The following TANC2 variants were observed in gnomAD, a reference collection of about 807,000 sequenced individuals.
TANC2 encodes the protein protein TANC2.
In TANC2, 26 loss-of-function variants were observed where a neutral mutation model predicts 210.5. The observed-to-expected ratio is 0.12, with a 90% CI of 0.09 to 0.17. The LOEUF (loss-of-function observed/expected upper bound fraction) is 0.17, where lower values mean the gene tolerates loss of function less well. Among genes scored for constraint, TANC2 ranks in the 10% least tolerant of loss-of-function variants. The probability of loss-of-function intolerance (pLI) is 1.00; values close to 1 mark genes in which losing one functional copy is unlikely to be tolerated. For synonymous variants in TANC2, 931 were observed against 967.1 expected, an observed-to-expected ratio of 0.96 and a Z score of 0.69; for missense variants, 2,129 against 2,608.9, an observed-to-expected ratio of 0.82 and a Z score of 4.01.
intron 4 of TANC2, among the ~76,000 whole-genome samples, chr17:63,131,504 G>A (rs905231429): frequency 3.3e-5 from 5 of 149,262 alleles, no homozygotes; most frequent in South Asian, 2.1e-4. Flanking sequence ...ATATCACATC[G>A]TTATTACTGT....
intron 4 of TANC2, among the ~76,000 whole-genome samples, chr17:63,143,366 AT>A (rs1460917593): frequency 2.0e-5 from 3 of 152,134 alleles, no homozygotes; most frequent in African/African-American, 4.8e-5. Context: ...GTTATGTCAC[AT>A]TTTTTATGAA....
chr17:63,036,316 T>G (rs1221181209), intron 2 of TANC2, among the ~76,000 whole-genome samples: 4 of 152,130 alleles, frequency 2.6e-5, no homozygotes, highest in East Asian at 1.9e-4. Flanking sequence ...GTTGATGTGT[T>G]TGTTTGTTTT....
intron 7 of TANC2, among the ~76,000 whole-genome samples, chr17:63,220,713 A>ATATATATATATATATAT (rs1302451440): frequency 7.1e-5 from 10 of 140,562 alleles, no homozygotes; most frequent in Non-Finnish European, 1.2e-4. Flanking sequence ...CAAAAAAAAA[A>ATATATATATATATATAT]AAAAAAATAT....
chr17:63,105,800 A>G (rs2037801397), intron 4 of TANC2, among the ~76,000 whole-genome samples: 1 of 151,650 alleles, frequency 6.6e-6, no homozygotes, highest in Non-Finnish European at 1.5e-5. Context: ...CAGCATACTT[A>G]TAATACTGTG....
At chr17:63,144,221 TG>T (rs2039388448) in intron 4 of TANC2, among the ~76,000 whole-genome samples, 1 of 152,226 alleles carries the variant, frequency 6.6e-6, no homozygotes, top group Non-Finnish European at 1.5e-5. Flanking sequence ...AACTATGTAA[TG>T]TTGCCTTTTT....
chr17:63,178,643 TAAAGAG>T (rs972368099), intron 5 of TANC2, among the ~76,000 whole-genome samples: 1 of 152,212 alleles, frequency 6.6e-6, no homozygotes, highest in Non-Finnish European at 1.5e-5. Flanking sequence ...ACAACTCTGT[TAAAGAG>T]AAAGCATGAG....
intron 13 of TANC2, among the ~76,000 whole-genome samples, chr17:63,352,219 C>T (rs963095086): frequency 6.6e-6 from 1 of 152,066 alleles, no homozygotes; most frequent in Non-Finnish European, 1.5e-5. Flanking sequence ...ATATGCTTAT[C>T]TCACTATTTG....
At chr17:63,232,055 G>A (rs186208423) in intron 7 of TANC2, among the ~76,000 whole-genome samples, 100 of 152,222 alleles carry the variant, frequency 6.6e-4, no homozygotes, top group African/African-American at 2.3e-3. Flanking sequence ...CTTGGTTGTT[G>A]ATACTTGTAG....
At chr17:63,384,648 C>T (rs2047720008) in intron 15 of TANC2, among the ~76,000 whole-genome samples, 1 of 152,098 alleles carries the variant, frequency 6.6e-6, no homozygotes, top group Admixed American at 6.6e-5. Context: ...AGTTAGCATA[C>T]ATATGTCAAC....
At chr17:63,009,750 T>A in intron 2 of TANC2, 124 bp downstream of exon 2, 1 of 790,244 alleles carries the variant, frequency 1.3e-6, no homozygotes, top group Non-Finnish European at 2.0e-6. Context: ...AAGTTTACAT[T>A]TCTTTGGGCT....
Position 63,176,632 on chromosome 17 carries a change from C to T in TANC2, c.434-17359C>T, listed in dbSNP as rs181027175. 3.0e-3 allele frequency among the ~76,000 whole-genome samples: 461 copies of T among 151,940 alleles called. 1 individual carries two copies. Among genetic ancestry groups the T allele is most frequent in the African/African-American group, 0.011 (438 of 41,466 alleles). ...CATCGTGGCTAACACAGTGAAACCC[C>T]GTCTCTACTAAAAAATACAAAAAAT... is the stretch of plus-strand genomic sequence containing the variant. On this transcript the variant is annotated intron_variant, in intron 5 of 27. Coordinates refer to ENST00000689528, the Ensembl canonical transcript of TANC2.
intron 4 of TANC2, among the ~76,000 whole-genome samples, chr17:63,132,387 A>G (rs1164385994): frequency 6.6e-6 from 1 of 152,212 alleles, no homozygotes; most frequent in Non-Finnish European, 1.5e-5. Flanking sequence ...CTTTTTAAGT[A>G]TTTATAGAAC....
intron 7 of TANC2, among the ~76,000 whole-genome samples, chr17:63,203,572 C>A (rs1479052529): frequency 1.3e-5 from 2 of 152,122 alleles, no homozygotes; most frequent in Non-Finnish European, 1.5e-5. Context: ...ATATGCATTT[C>A]TTTGATTAGT....
intron 2 of TANC2, among the ~76,000 whole-genome samples, chr17:63,054,546 A>G (rs9908107): frequency 3.7e-5 from 5 of 136,962 alleles, no homozygotes; most frequent in Non-Finnish European, 7.9e-5. Flanking sequence ...TAATTTTTGT[A>G]TTTTTTTTTT....
rs762000540 is a variant in TANC2, at chr17:63,009,669, A to T, written c.67+43A>T. On this transcript the variant is annotated intron_variant, in intron 2 of 27. Transcript: ENST00000689528. ...ATTTATTGTGCGTGATATTTTACAAATACAAGTTCTTTTAGGGTCCTGAAT... is the reference window on the plus strand; with the variant it reads ...ATTTATTGTGCGTGATATTTTACAATTACAAGTTCTTTTAGGGTCCTGAAT... 1.9e-6 allele frequency: 3 copies of T among 1,558,402 alleles called. No homozygotes were observed. The Admixed American group carries it at 5.0e-5, about 26-fold the overall frequency.
intron 5 of TANC2, among the ~76,000 whole-genome samples, chr17:63,183,648 T>C (rs761747363): frequency 2.1e-4 from 32 of 152,226 alleles, no homozygotes; most frequent in Non-Finnish European, 4.3e-4. Context: ...TGAACTTGTA[T>C]TCCCTAAATA....
intron 25 of TANC2, 132 bp downstream of exon 25, chr17:63,413,766 G>T: frequency 1.2e-6 from 1 of 809,304 alleles, no homozygotes; most frequent in South Asian, 1.8e-5. Flanking sequence ...CTCAGTGATG[G>T]CCTCATATGT....
intron 12 of TANC2, among the ~76,000 whole-genome samples, chr17:63,348,384 C>T (rs867082782): frequency 7.2e-5 from 11 of 152,050 alleles, no homozygotes; most frequent in Non-Finnish European, 1.2e-4. Flanking sequence ...CCCTGGTGAA[C>T]GTGTATTTAC....
chr17:63,279,174 C>A (rs2043985469), intron 9 of TANC2, among the ~76,000 whole-genome samples: 2 of 152,136 alleles, frequency 1.3e-5, no homozygotes, highest in South Asian at 4.1e-4. Context: ...AGGGGAAGTC[C>A]ATGATGCTGC....
Sources: allele counts gnomAD v4.1 joint callset (sites outside exome capture counted in the v4.1 genomes callset), GRCh38; gene constraint gnomAD v4.1.1; transcripts MANE v1.5; gene names NCBI Gene and HGNC (gene_info 2026-07-23, HGNC 2026-07-21).